Variants in AHCYL2 observed in about 807,000 individuals in gnomAD.
AHCYL2 encodes the protein adenosylhomocysteinase like 2, also known as S-adenosylhomocysteine hydrolase-like protein 2.
In AHCYL2, 28 loss-of-function variants were observed where a neutral mutation model predicts 81.4. The observed-to-expected ratio is 0.34, with a 90% CI of 0.25 to 0.47. The LOEUF (loss-of-function observed/expected upper bound fraction) is 0.47, where lower values mean the gene tolerates loss of function less well. Among genes scored for constraint, AHCYL2 ranks in the 20% least tolerant of loss-of-function variants. AHCYL2 has a pLI of 1.00. For synonymous variants in AHCYL2, 272 were observed against 290.2 expected (o/e 0.94, Z 0.64); for missense variants, 551 against 785.1 (o/e 0.70, Z 3.56).
At chr7:129,259,104 G>A (rs1795528407) in intron 1 of AHCYL2, among the ~76,000 whole-genome samples, 1 of 152,070 alleles carries the variant, frequency 6.6e-6, no homozygotes, top group Non-Finnish European at 1.5e-5. Context: ...TTCACATTAA[G>A]ACCTCTTCTT....
intron 1 of AHCYL2, among the ~76,000 whole-genome samples, chr7:129,350,384 CT>C (rs566590118): frequency 4.4e-3 from 613 of 139,776 alleles, no homozygotes; most frequent in African/African-American, 6.7e-3. Flanking sequence ...TAAATGTAGT[CT>C]TTTTTTTTTT....
At chr7:129,361,785 C>G (rs1793939169) in intron 1 of AHCYL2, among the ~76,000 whole-genome samples, 1 of 144,120 alleles carries the variant, frequency 6.9e-6, no homozygotes, top group Non-Finnish European at 1.6e-5. Context: ...ACCACTATGT[C>G]TGGCTAATTT....
At chr7:129,270,059 G>C (rs1795953593) in intron 1 of AHCYL2, among the ~76,000 whole-genome samples, 1 of 152,120 alleles carries the variant, frequency 6.6e-6, no homozygotes, top group African/African-American at 2.4e-5. Flanking sequence ...TAATTTTACA[G>C]TGTTTGGTAG....
In AHCYL2 at chr7:129,389,172, C is replaced by T. The variant is rs1447851387; in HGVS notation, c.592C>T (p.Arg198Ter). ...GAACATCAAACAGGCAGAGTTTGGA[C>T]GAAGAGAAATTGAAATTGCTGAACA... Reference protein sequence around the residue: ...VKNIKQAEFGRREIEIAEQEM... With the variant: ...VKNIKQAEFG The change falls in exon 3 of 17, where the codon CGA becomes TGA. Residue 198 changes from arginine (R) to a stop codon, truncating the protein, a stop_gained. Transcript: ENST00000325006. LOFTEE classifies it high-confidence loss of function. 15 of 1,613,850 alleles carry T rather than the reference C, an allele frequency of 9.3e-6. No homozygotes were observed. Among genetic ancestry groups the T allele is most frequent in the East Asian group, 4.5e-5 (2 of 44,870 alleles).
At chr7:129,377,593 C>T (rs1354223536) in intron 1 of AHCYL2, 3 of 456,482 alleles carry the variant, frequency 6.6e-6, no homozygotes, top group Non-Finnish European at 1.3e-5. Flanking sequence ...TATGTTCTGC[C>T]CATCAAGGAA....
chr7:129,236,578 C>G (rs745785742), intron 1 of AHCYL2, among the ~76,000 whole-genome samples: 1 of 151,986 alleles, frequency 6.6e-6, no homozygotes, highest in Non-Finnish European at 1.5e-5. Flanking sequence ...TGGGCTCAAG[C>G]GATCTGCCCG....
At chr7:129,292,218 C>G (rs960020117) in intron 1 of AHCYL2, among the ~76,000 whole-genome samples, 2 of 152,160 alleles carry the variant, frequency 1.3e-5, no homozygotes, top group Non-Finnish European at 2.9e-5. Context: ...TAAACAGGTT[C>G]ATAACATTCT....
At chr7:129,285,900 A>G (rs562950639) in intron 1 of AHCYL2, among the ~76,000 whole-genome samples, 27 of 151,820 alleles carry the variant, frequency 1.8e-4, no homozygotes, top group African/African-American at 6.0e-4. Flanking sequence ...GTGTAGAGGC[A>G]GGGGTCTCTC....
intron 1 of AHCYL2, among the ~76,000 whole-genome samples, chr7:129,257,902 G>GT (rs1795481303): frequency 6.6e-6 from 1 of 152,194 alleles, no homozygotes; most frequent in South Asian, 2.1e-4. Context: ...TAAAATGTAT[G>GT]TAAGTAAAAC....
chr7:129,291,281 G>A (rs1006049833), intron 1 of AHCYL2, among the ~76,000 whole-genome samples: 3 of 152,226 alleles, frequency 2.0e-5, no homozygotes, highest in African/African-American at 4.8e-5. Flanking sequence ...GTGAGGCACC[G>A]CTCTGAACAT....
At chr7:129,380,787 A>G (rs1279625222) in intron 2 of AHCYL2, among the ~76,000 whole-genome samples, 1 of 152,138 alleles carries the variant, frequency 6.6e-6, no homozygotes, top group Non-Finnish European at 1.5e-5. Context: ...TCACCCAGGC[A>G]GGAGTGCAAG....
intron 1 of AHCYL2, among the ~76,000 whole-genome samples, chr7:129,362,225 A>T (rs537001720): frequency 6.6e-6 from 1 of 152,318 alleles, no homozygotes; most frequent in South Asian, 2.1e-4. Context: ...CACAGCTAGT[A>T]AGTGATGAAA....
intron 2 of AHCYL2, 98 bp downstream of exon 2, chr7:129,379,847 A>C (rs1794870877): frequency 1.2e-6 from 1 of 862,384 alleles, no homozygotes; most frequent in Non-Finnish European, 1.7e-6. Flanking sequence ...CATGACCAAG[A>C]CTGTGCTTTG....
At chr7:129,269,978 T>TA (rs981644649) in intron 1 of AHCYL2, among the ~76,000 whole-genome samples, 6 of 152,228 alleles carry the variant, frequency 3.9e-5, no homozygotes, top group Admixed American at 3.9e-4. Flanking sequence ...ACTCACTTTC[T>TA]AGCTAAAGTG....
intron 5 of AHCYL2, 76 bp from the exon 6 acceptor site, chr7:129,400,214 A>G (rs1795963472): frequency 2.3e-6 from 3 of 1,324,204 alleles, no homozygotes; most frequent in South Asian, 2.5e-5. Flanking sequence ...AGGAAAAACC[A>G]GAATCTTCTC....
intron 1 of AHCYL2, among the ~76,000 whole-genome samples, chr7:129,326,499 C>A (rs1337710218): frequency 1.3e-5 from 2 of 152,166 alleles, no homozygotes; most frequent in South Asian, 2.1e-4. Flanking sequence ...ACACTCCAGC[C>A]TGGGTGAAAG....
At chr7:129,363,853 C>T (rs986297025) in intron 1 of AHCYL2, among the ~76,000 whole-genome samples, 3 of 151,656 alleles carry the variant, frequency 2.0e-5, no homozygotes, top group African/African-American at 7.3e-5. Context: ...TATTTTTAAT[C>T]TTGTTTCTCT....
intron 1 of AHCYL2, among the ~76,000 whole-genome samples, chr7:129,248,180 C>G (rs565173142): frequency 7.0e-4 from 106 of 152,310 alleles, no homozygotes; most frequent in Non-Finnish European, 1.4e-3. Flanking sequence ...TCTAGACTTT[C>G]TTCTGTTCCA....
At chr7:129,364,818 T>C (rs1185128248) in intron 1 of AHCYL2, among the ~76,000 whole-genome samples, 1 of 152,196 alleles carries the variant, frequency 6.6e-6, no homozygotes, top group African/African-American at 2.4e-5. Flanking sequence ...TATATATTCC[T>C]GCAGAGATAA....
Sources: gnomAD v4.1 joint callset for allele counts (sites outside exome capture counted in the v4.1 genomes callset) on GRCh38, gnomAD v4.1.1 for gene constraint, MANE v1.5 for transcripts, NCBI Gene and HGNC (gene_info 2026-07-23, HGNC 2026-07-21) for gene names.